The following PPP4R1 variants were observed in gnomAD, a reference collection of about 807,000 sequenced individuals.
The protein encoded by PPP4R1 is protein phosphatase 4 regulatory subunit 1.
A neutral mutation model predicts 111.2 loss-of-function variants in PPP4R1; 42 were observed. The observed-to-expected ratio is 0.38, with a 90% confidence interval of 0.29 to 0.49. The LOEUF (loss-of-function observed/expected upper bound fraction) is 0.49. Ranked by LOEUF, PPP4R1 falls within the 20% of genes least tolerant of loss-of-function variation. The pLI is 0.97. For missense variants in PPP4R1, 1,012 were observed against 1,161.6 expected (o/e 0.87, Z 1.87); for synonymous variants, 409 against 405.5 (o/e 1.01, Z -0.10).
chr18:9,573,892 G>C (rs905768439), intron 10 of PPP4R1, among the ~76,000 whole-genome samples: 1 of 152,122 alleles, frequency 6.6e-6, no homozygotes, highest in East Asian at 1.9e-4. Context: ...AAAACTCTTA[G>C]AATGATTTTT....
At chr18:9,571,069 G>A (rs754759107) in intron 10 of PPP4R1, among the ~76,000 whole-genome samples, 1 of 151,966 alleles carries the variant, frequency 6.6e-6, no homozygotes, top group Non-Finnish European at 1.5e-5. Context: ...TTATTTTTAG[G>A]GTTATTTGTA....
At chr18:9,560,424 T>C (rs2066654225) in intron 13 of PPP4R1, among the ~76,000 whole-genome samples, 1 of 151,696 alleles carries the variant, frequency 6.6e-6, no homozygotes, top group Admixed American at 6.6e-5. Context: ...TGTATAAATA[T>C]AGCTGTGGAA....
In PPP4R1 at chr18:9,548,778, C is replaced by T. The variant is rs546468024; in HGVS notation, c.2689+419G>A. On this transcript the variant is annotated intron_variant, in intron 19 of 19. Coordinates refer to ENST00000400556, the MANE Select transcript of PPP4R1 (RefSeq NM_001042388.3). ...CTAAAAATACAAAAAATTAGCTGGG[C>T]GTGGTGGCGGGCACCTGTAATCCCA... Among the ~76,000 whole-genome samples, 39 of 152,158 alleles carry T rather than the reference C, an allele frequency of 2.6e-4. 1 individual carries two copies. Among genetic ancestry groups the T allele is most frequent in the East Asian group, 1.4e-3 (7 of 5,174 alleles).
intron 5 of PPP4R1, 33 bp from the exon 6 acceptor site, chr18:9,588,268 A>G: frequency 1.9e-6 from 3 of 1,592,758 alleles, no homozygotes; most frequent in South Asian, 1.1e-5. Flanking sequence ...AAGAAAGTAC[A>G]TATGCAACAT....
intron 4 of PPP4R1, among the ~76,000 whole-genome samples, chr18:9,592,469 T>G (rs1158496716): frequency 6.6e-6 from 1 of 152,230 alleles, no homozygotes; most frequent in Non-Finnish European, 1.5e-5. Context: ...TTATTGTTTA[T>G]ATGTTGGCTG....
chr18:9,614,040 A>C lies in PPP4R1; in HGVS notation c.52+186T>G. On this transcript the variant is annotated intron_variant, in intron 2 of 19. Coordinates refer to ENST00000400556, the MANE Select transcript of PPP4R1 (RefSeq NM_001042388.3). This position sits in a 1 kb window ranked among gnomAD's most constrained non-coding sequence, Gnocchi z 4.1. The stretch of plus-strand genomic sequence containing the variant: ...CCGGGCGTCTCCCTCCCCCAGCGGA[A>C]CCTGGGCGCGCCGTTTCCTCACGGA... 2.3e-5 allele frequency: 8 copies of C among 354,944 alleles called. No homozygotes were observed. Among genetic ancestry groups the C allele is most frequent in the Middle Eastern group, 8.7e-4 (1 of 1,150 alleles). The allele number at this position is 354,944 out of a possible 1,614,324, so 22.0% of individuals were successfully genotyped here.
intron 15 of PPP4R1, among the ~76,000 whole-genome samples, chr18:9,553,816 A>G (rs2066526400): frequency 6.6e-6 from 1 of 152,274 alleles, no homozygotes; most frequent in Admixed American, 6.5e-5. Context: ...GACAGCACAG[A>G]GTAGGCATTC....
chr18:9,614,195 T>G lies in PPP4R1; in HGVS notation c.52+31A>C, dbSNP rs1230782334. The G allele has an allele frequency of 1.8e-5, 24 of 1,336,330 alleles. No individual in the cohort carries two copies. The highest frequency in any genetic ancestry group is 2.3e-5 in the Non-Finnish European group (24 of 1,031,052). The allele number at this position is 1,336,330 out of a possible 1,614,324, so 82.8% of individuals were successfully genotyped here. On this transcript the variant is annotated intron_variant, in intron 2 of 19. Coordinates refer to ENST00000400556, the MANE Select transcript of PPP4R1 (RefSeq NM_001042388.3). This position sits in a 1 kb window ranked among gnomAD's most constrained non-coding sequence, Gnocchi z 4.1. ...CCCTCCCCGGCCGCTCCCCGCGGAC[T>G]GCCAGGCCACCGCGAGGCCGGGCCA...
At position 9,570,617 on chromosome 18, in the gene PPP4R1, A is replaced by T. The variant is rs1175751171; in HGVS notation, c.1113T>A (p.Ser371Arg). The T allele has an allele frequency of 1.9e-6, 3 of 1,613,738 alleles. No individual in the cohort carries two copies. In the African/African-American group the frequency reaches 4.0e-5, roughly 22 times the overall value. ...CCAGTATGACACTGGAATTACTAACACTGAGATCTGAAGGAGTATCCTCTG... is the reference window on the plus strand; with the variant it reads ...CCAGTATGACACTGGAATTACTAACTCTGAGATCTGAAGGAGTATCCTCTG... ...VRPEDTPSDL[S>R]VSNSSVILEN... The change falls in exon 11 of 20, where the codon AGT becomes AGA. Residue 371 changes from serine to arginine, a missense_variant. Ser to Arg is a moderately radical substitution (Grantham distance 110). Transcript: ENST00000400556.
At chr18:9,551,743 G>A (rs1352299688) in intron 16 of PPP4R1, 1 of 152,244 alleles carries the variant, frequency 6.6e-6, no homozygotes, top group African/African-American at 2.4e-5. Flanking sequence ...CCTTATTCCA[G>A]GAGGAGCTGT....
chr18:9,568,600 G>C (rs190158256), intron 11 of PPP4R1, among the ~76,000 whole-genome samples: 25 of 152,288 alleles, frequency 1.6e-4, no homozygotes, highest in Admixed American at 9.2e-4. Flanking sequence ...GAAAAACTTA[G>C]AGCAGTTCTT....
intron 15 of PPP4R1, chr18:9,556,985 T>A (rs2066598279): frequency 6.0e-6 from 2 of 332,496 alleles, no homozygotes; most frequent in Non-Finnish European, 5.4e-6. Context: ...TTTCACTCAA[T>A]AATTTTGAAA....
At chr18:9,600,254 G>A (rs140137136) in intron 2 of PPP4R1, among the ~76,000 whole-genome samples, 56 of 133,758 alleles carry the variant, frequency 4.2e-4, no homozygotes, top group African/African-American at 1.5e-3. Flanking sequence ...AAACACACTA[G>A]AAGGTATAGC....
chr18:9,579,002 GGAGA>G (rs1418780128), intron 9 of PPP4R1, among the ~76,000 whole-genome samples: 19 of 152,068 alleles, frequency 1.2e-4, no homozygotes, highest in Admixed American at 1.2e-3. Context: ...TTAATGTGGA[GGAGA>G]GAGATCACAG....
intron 2 of PPP4R1, among the ~76,000 whole-genome samples, chr18:9,605,774 T>C (rs986985807): frequency 6.6e-6 from 1 of 152,156 alleles, no homozygotes; most frequent in Non-Finnish European, 1.5e-5. Context: ...TATTTCAATA[T>C]GTACTACATA....
intron 15 of PPP4R1, among the ~76,000 whole-genome samples, chr18:9,554,185 T>C (rs1052702610): frequency 2.0e-5 from 3 of 151,390 alleles, no homozygotes; most frequent in Non-Finnish European, 4.4e-5. Context: ...TGGAGTGCAG[T>C]GGCGGGATCT....
chr18:9,554,564 A>C (rs897936033), intron 15 of PPP4R1, among the ~76,000 whole-genome samples: 2 of 151,896 alleles, frequency 1.3e-5, no homozygotes, highest in Non-Finnish European at 2.9e-5. Context: ...TTAGTAATTT[A>C]ATTAAAAAAA....
chr18:9,582,208 GAAT>G (rs2067040871), intron 9 of PPP4R1, among the ~76,000 whole-genome samples: 1 of 151,752 alleles, frequency 6.6e-6, no homozygotes, highest in African/African-American at 2.4e-5. Flanking sequence ...GGAAATTAAT[GAAT>G]AATAGAAAAA....
intron 6 of PPP4R1, among the ~76,000 whole-genome samples, chr18:9,585,306 G>A (rs553790813): frequency 6.6e-6 from 1 of 152,310 alleles, no homozygotes; most frequent in South Asian, 2.1e-4. Flanking sequence ...AAAGCACCCT[G>A]TGAACTAAAG....
Sources: allele counts gnomAD v4.1 joint callset (sites outside exome capture counted in the v4.1 genomes callset), GRCh38; gene constraint gnomAD v4.1.1; non-coding constraint Gnocchi (gnomAD v3.1); transcripts MANE v1.5; gene names NCBI Gene and HGNC (gene_info 2026-07-23, HGNC 2026-07-21).